EDEM3: variants seen among roughly 807,000 people sequenced by gnomAD.
The protein encoded by EDEM3 is ER degradation-enhancing alpha-mannosidase-like protein 3.
Under a neutral mutation model 110.2 loss-of-function variants are expected in EDEM3, and 60 were observed. That is an observed-to-expected ratio of 0.54 (90% CI 0.44 to 0.67). The LOEUF (loss-of-function observed/expected upper bound fraction) is 0.67. Among genes scored for constraint, EDEM3 ranks in the 30% least tolerant of loss-of-function variants. EDEM3 has a pLI of 0.00. For synonymous variants in EDEM3, 352 were observed against 382.9 expected, an observed-to-expected ratio of 0.92 and a Z score of 0.94; for missense variants, 996 against 1,121.0, an observed-to-expected ratio of 0.89 and a Z score of 1.59.
intron 18 of EDEM3, among the ~76,000 whole-genome samples, chr1:184,703,344 T>C (rs1649733527): frequency 6.6e-6 from 1 of 152,158 alleles, no homozygotes; most frequent in Non-Finnish European, 1.5e-5. Flanking sequence ...ACTATAAAAA[T>C]TTCATATGCT....
rs185367000 is a variant in EDEM3, at chr1:184,693,918, C to T, written c.*145G>A. ...TAACACAGCATGCTCCAGATTCCTA[C>T]GATAACTACGCCAGTCAGAACGTGG... On this transcript the variant is annotated 3_prime_UTR_variant, in exon 20 of 20. Coordinates refer to ENST00000318130, the MANE Select transcript of EDEM3 (RefSeq NM_025191.4). 4.3e-4 allele frequency: 345 copies of T among 801,390 alleles called. 1 individual carries two copies. In the African/African-American group the frequency reaches 4.6e-3, roughly 11 times the overall value. 49.6% of individuals were successfully genotyped at this position (801,390 alleles called of 1,614,324 possible). A position where few individuals can be genotyped will look rare whatever the true frequency, so the allele number is the denominator to read the frequency against.
chr1:184,725,659 T>TA (rs1651151807), intron 7 of EDEM3, among the ~76,000 whole-genome samples: 1 of 151,932 alleles, frequency 6.6e-6, no homozygotes, highest in East Asian at 1.9e-4. Flanking sequence ...ACCTAAGTCA[T>TA]ATGCTTGAAA....
chr1:184,701,557 TG>T, intron 19 of EDEM3: 1 of 1,277,862 alleles, frequency 7.8e-7, no homozygotes, highest in Non-Finnish European at 1.0e-6. Flanking sequence ...GAAATTCCAG[TG>T]GTAGCACAAA....
rs1649224010 is a variant in EDEM3 at position 184,694,401 on chromosome 1, A to G, written c.2461T>C (p.Ser821Pro). 3 of 1,612,074 alleles carry G rather than the reference A, an allele frequency of 1.9e-6. No homozygotes were observed. The highest frequency in any genetic ancestry group is 1.3e-5 in the African/African-American group (1 of 74,864). ...DSQNQSGEQI[S>P]SSSQEVDLVD... ...AAATCAACCTCCTGAGAACTTGATG[A>G]AATCTGTTCACCACTCTGATTCTGA... Residue 821 changes from serine (S) to proline (P), a missense_variant, in exon 20 of 20, where the codon TCA becomes CCA. By Grantham distance (74) the Ser-to-Pro change is moderately conservative (BLOSUM62 -1). Transcript: ENST00000318130.
chr1:184,725,290 G>GCAT (rs141317792), intron 7 of EDEM3, among the ~76,000 whole-genome samples: 1,674 of 152,108 alleles, frequency 0.011, 19 homozygotes, highest in African/African-American at 0.038. Flanking sequence ...CCAACTCCAT[G>GCAT]CATCATCTAC....
intron 7 of EDEM3, among the ~76,000 whole-genome samples, chr1:184,725,586 T>C (rs975987349): frequency 6.6e-6 from 1 of 151,924 alleles, no homozygotes; most frequent in African/African-American, 2.4e-5. Flanking sequence ...GTATCTGTAA[T>C]GCTACTATAC....
intron 19 of EDEM3, among the ~76,000 whole-genome samples, chr1:184,698,582 A>G (rs1649447475): frequency 1.3e-5 from 2 of 151,938 alleles, no homozygotes. Context: ...AAGATTACAC[A>G]TCAAACTGCT....
rs201115464 is a variant in EDEM3 at position 184,732,930 on chromosome 1, C to A, written c.519G>T (p.Gln173His). ...TTTGGAGAAGTTCATCATTGTACCA[C>A]TGCATATATTCACCTTTTTCTTTCA... ...IMLKEKGEYM[Q>H]WYNDELLQMA... Residue 173 changes from glutamine to histidine, a missense_variant, in exon 6 of 20, where the codon CAG (glutamine) becomes CAT (histidine). Coordinates refer to ENST00000318130, the MANE Select transcript of EDEM3 (RefSeq NM_025191.4). 2.0e-5 allele frequency: 32 copies of A among 1,613,972 alleles called. No individual in the cohort carries two copies. Among genetic ancestry groups the A allele is most frequent in the Non-Finnish European group, 1.2e-5 (14 of 1,179,982 alleles).
At chr1:184,706,473 G>A (rs1413311293) in intron 18 of EDEM3, among the ~76,000 whole-genome samples, 170 bp downstream of exon 18, 1 of 151,904 alleles carries the variant, frequency 6.6e-6, no homozygotes, top group Non-Finnish European at 1.5e-5. Flanking sequence ...TTTTAAAAAA[G>A]ATGTTAGATA....
chr1:184,749,950 G>A (rs949866710), intron 1 of EDEM3, among the ~76,000 whole-genome samples: 1 of 152,182 alleles, frequency 6.6e-6, no homozygotes, highest in African/African-American at 2.4e-5. Context: ...TATCTGTCTT[G>A]AAGCGGGGGT....
intron 3 of EDEM3, 127 bp from the exon 4 acceptor site, chr1:184,737,191 G>T: frequency 1.3e-6 from 1 of 758,342 alleles, no homozygotes; most frequent in Non-Finnish European, 2.2e-6. Flanking sequence ...TGTATCTATA[G>T]TACAATGAAA....
chr1:184,749,921 T>C (rs1652659581), intron 1 of EDEM3, among the ~76,000 whole-genome samples: 1 of 152,186 alleles, frequency 6.6e-6, no homozygotes, highest in Non-Finnish European at 1.5e-5. Flanking sequence ...CAATGACCTC[T>C]TAACACAATT....
chr1:184,723,516 C>A (rs912092434), intron 8 of EDEM3, among the ~76,000 whole-genome samples: 6 of 151,900 alleles, frequency 3.9e-5, no homozygotes, highest in Non-Finnish European at 7.4e-5. Flanking sequence ...TTCATCTACA[C>A]CCTATACCTA....
intron 8 of EDEM3, 107 bp downstream of exon 8, chr1:184,723,644 C>T (rs747229076): frequency 6.5e-6 from 6 of 919,748 alleles, no homozygotes; most frequent in African/African-American, 1.7e-5. Context: ...CTTGTGAGAA[C>T]CTATGCTTTA....
intron 2 of EDEM3, among the ~76,000 whole-genome samples, chr1:184,742,089 A>T (rs916874077): frequency 3.3e-5 from 5 of 152,150 alleles, no homozygotes; most frequent in African/African-American, 1.2e-4. Flanking sequence ...TTCCAAACTC[A>T]TAGCAAATTA....
chr1:184,728,174 CAG>C (rs1367177389), intron 6 of EDEM3, among the ~76,000 whole-genome samples: 4 of 152,022 alleles, frequency 2.6e-5, no homozygotes, highest in Non-Finnish European at 5.9e-5. Context: ...GCTTAAAATC[CAG>C]ACAGAGCAAA....
intron 15 of EDEM3, 121 bp downstream of exon 15, chr1:184,711,602 T>G: frequency 5.3e-6 from 4 of 756,906 alleles, no homozygotes; most frequent in Non-Finnish European, 7.8e-6. Flanking sequence ...GATAGCTACA[T>G]ACCTCAACAT....
At chr1:184,750,615 C>T (rs1253988980) in intron 1 of EDEM3, among the ~76,000 whole-genome samples, 1 of 151,274 alleles carries the variant, frequency 6.6e-6, no homozygotes, top group Non-Finnish European at 1.5e-5. Context: ...CAGGTTCAAG[C>T]GATTCTCCTG....
chr1:184,726,734 G>C (rs1156801437), intron 6 of EDEM3, among the ~76,000 whole-genome samples: 1 of 152,146 alleles, frequency 6.6e-6, no homozygotes, highest in Non-Finnish European at 1.5e-5. Flanking sequence ...TGGACAGTTT[G>C]AACTAGTAAG....
Sources: gnomAD v4.1 joint callset for allele counts (sites outside exome capture counted in the v4.1 genomes callset) on GRCh38, gnomAD v4.1.1 for gene constraint, MANE v1.5 for transcripts, NCBI Gene and HGNC (gene_info 2026-07-23, HGNC 2026-07-21) for gene names.